The following PECAM1 variants were observed in gnomAD, a reference collection of about 807,000 sequenced individuals.
The protein encoded by PECAM1 is platelet endothelial cell adhesion molecule.
A neutral mutation model predicts 13.8 loss-of-function variants in PECAM1; 8 were observed. That is an observed-to-expected ratio of 0.58 (90% CI 0.34 to 1.05). The LOEUF (loss-of-function observed/expected upper bound fraction) is 1.05, where lower values mean the gene tolerates loss of function less well. PECAM1 is among the 50% of genes least tolerant of loss of function. The pLI, the probability that PECAM1 is intolerant of heterozygous loss-of-function variation, is 0.03. For missense variants in PECAM1, 304 were observed against 141.2 expected (o/e 2.15, Z -5.84); for synonymous variants, 136 against 52.6 (o/e 2.58, Z -6.86).
chr17:64,377,932 T>C lies in PECAM1; in HGVS notation c.277A>G (p.Ser93Gly). Residue 93 changes from serine to glycine, a missense_variant, in exon 3 of 16, where the codon AGT (serine) becomes GGT (glycine). Physicochemically the swap from Ser to Gly is moderately conservative, Grantham distance 56 (BLOSUM62 0). Coordinates refer to ENST00000563924, the MANE Select transcript of PECAM1 (RefSeq NM_000442.5). ...YNISSMKSTE[S>G]YFIPEVRIYD... is the part of the protein sequence containing the mutation. ...ATCCGGACTTCAGGAATAAAATAAC[T>C]CTCTGTGCTCTTCATGGAGGAGATG... 1 of 475,140 alleles carries C rather than the reference T, an allele frequency of 2.1e-6. No homozygotes were observed. 29.4% of individuals were successfully genotyped at this position (475,140 alleles called of 1,614,324 possible).
chr17:64,366,716 T>C (rs1283940304), intron 5 of PECAM1, among the ~76,000 whole-genome samples: 2 of 150,132 alleles, frequency 1.3e-5, no homozygotes, highest in African/African-American at 2.5e-5. Context: ...CAGTAAACTA[T>C]AGCAAGGACA....
chr17:64,377,621 G>T (rs936624419), intron 3 of PECAM1: 28 of 352,914 alleles, frequency 7.9e-5, no homozygotes, highest in Non-Finnish European at 1.4e-4. Context: ...AGAAAGAAAG[G>T]AAGGAAGGAA....
intron 2 of PECAM1, 100 bp downstream of exon 2, chr17:64,390,389 G>A: frequency 2.4e-6 from 1 of 420,272 alleles, no homozygotes; most frequent in South Asian, 1.2e-4. Flanking sequence ...ATTGTTAGAA[G>A]TATCAAACCC....
intron 8 of PECAM1, among the ~76,000 whole-genome samples, chr17:64,355,261 A>G (rs1465083090): frequency 5.3e-5 from 8 of 152,296 alleles, no homozygotes; most frequent in African/African-American, 1.9e-4. Flanking sequence ...GTGGTCCTCA[A>G]GGAGGGAACA....
intron 5 of PECAM1, among the ~76,000 whole-genome samples, chr17:64,368,859 G>GAA (rs1243273671): frequency 1.3e-4 from 6 of 44,472 alleles, no homozygotes; most frequent in African/African-American, 4.2e-4. Context: ...TCTCAAAAAA[G>GAA]AAAAAAAAAA....
chr17:64,373,612 G>C (rs2036291100), intron 4 of PECAM1, among the ~76,000 whole-genome samples: 1 of 151,496 alleles, frequency 6.6e-6, no homozygotes, highest in South Asian at 2.1e-4. Context: ...GATCATGTGT[G>C]GTTTTCTCTA....
chr17:64,328,235 G>A (rs1378017987), intron 15 of PECAM1, among the ~76,000 whole-genome samples: 3 of 151,496 alleles, frequency 2.0e-5, no homozygotes, highest in African/African-American at 7.3e-5. Flanking sequence ...GTTTTGGGTG[G>A]ACCCAGCCAT....
intron 13 of PECAM1, among the ~76,000 whole-genome samples, chr17:64,342,981 C>T (rs2035472926): frequency 6.6e-6 from 1 of 151,844 alleles, no homozygotes; most frequent in Non-Finnish European, 1.5e-5. Flanking sequence ...ACATACATAC[C>T]CACCAACCCT....
chr17:64,321,817 G>A lies in PECAM1; in HGVS notation c.*1999C>T. On this transcript the variant is annotated 3_prime_UTR_variant, in exon 16 of 16. Transcript: ENST00000563924. ...GTGCTGCATAAGTAAGGCACCAGGAGTAGGAATAGGGTCTTTGCAGCTCCC... is the reference window on the plus strand; with the variant it reads ...GTGCTGCATAAGTAAGGCACCAGGAATAGGAATAGGGTCTTTGCAGCTCCC... 1 of 1,340,988 alleles carries A rather than the reference G, an allele frequency of 7.5e-7. No individual in the cohort carries two copies. The highest frequency in any genetic ancestry group is 4.6e-5 in the East Asian group (1 of 21,518). 83.1% of individuals were successfully genotyped at this position (1,340,988 alleles called of 1,614,324 possible).
intron 14 of PECAM1, among the ~76,000 whole-genome samples, chr17:64,340,680 G>C (rs961877197): frequency 2.4e-4 from 37 of 152,190 alleles, no homozygotes; most frequent in Middle Eastern, 3.4e-3. Context: ...GCTCAGCTCT[G>C]GGGGAAGCCC....
At chr17:64,334,719 G>A (rs2035224524) in intron 14 of PECAM1, among the ~76,000 whole-genome samples, 1 of 152,112 alleles carries the variant, frequency 6.6e-6, no homozygotes, top group Admixed American at 6.6e-5. Context: ...GTGTTAGCCA[G>A]GATGGTCTCG....
At chr17:64,363,893 G>A (rs1438736841) in intron 5 of PECAM1, among the ~76,000 whole-genome samples, 4 of 151,958 alleles carry the variant, frequency 2.6e-5, no homozygotes, top group Non-Finnish European at 5.9e-5. Flanking sequence ...GCAGTGAGCC[G>A]AGATTGCTCC....
chr17:64,323,893 T>A (rs782351198), intron 15 of PECAM1, 48 bp from the exon 16 acceptor site: 1 of 790,294 alleles, frequency 1.3e-6, no homozygotes, highest in South Asian at 1.3e-5. Context: ...CTCTCAAGAT[T>A]GAAGATTGCC....
At chr17:64,366,061 T>C (rs1249012353) in intron 5 of PECAM1, among the ~76,000 whole-genome samples, 7 of 150,792 alleles carry the variant, frequency 4.6e-5, no homozygotes, top group African/African-American at 1.7e-4. Context: ...AGAAAATTTT[T>C]GCAACCTACT....
At chr17:64,333,266 C>G (rs1265433242) in intron 14 of PECAM1, among the ~76,000 whole-genome samples, 3 of 152,178 alleles carry the variant, frequency 2.0e-5, no homozygotes, top group African/African-American at 7.2e-5. Context: ...CAGAGCAAGA[C>G]TCAGCACCCA....
intron 12 of PECAM1, among the ~76,000 whole-genome samples, chr17:64,349,771 G>A (rs2035671220): frequency 1.3e-5 from 2 of 151,930 alleles, no homozygotes; most frequent in African/African-American, 4.8e-5. Flanking sequence ...TGTAGTCCCA[G>A]TTACTTGGGA....
Position 64,323,675 on chromosome 17 carries a change from A to T in PECAM1, c.*141T>A, listed in dbSNP as rs1555644967. The T allele has an allele frequency of 6.6e-7, 1 of 1,517,128 alleles. No individual in the cohort carries two copies. The allele number at this position is 1,517,128 out of a possible 1,614,324, so 94.0% of individuals were successfully genotyped here. ...TAGCAGGATGGATTTAAGAACCGGC[A>T]GCTTAGCCTGAGGAATTGCTGTGTT... On this transcript the variant is annotated 3_prime_UTR_variant, in exon 16 of 16. Coordinates refer to ENST00000563924, the MANE Select transcript of PECAM1 (RefSeq NM_000442.5).
intron 5 of PECAM1, among the ~76,000 whole-genome samples, chr17:64,363,660 C>T (rs1209275241): frequency 1.3e-5 from 2 of 152,082 alleles, no homozygotes; most frequent in African/African-American, 2.4e-5. Flanking sequence ...AGTTTTGCAA[C>T]TTGTGGCCAG....
intron 5 of PECAM1, 56 bp downstream of exon 5, chr17:64,369,694 A>C (rs2036195717): frequency 2.5e-6 from 1 of 398,398 alleles, no homozygotes; most frequent in Non-Finnish European, 4.4e-6. Flanking sequence ...GGATTGCAGC[A>C]TGGTGGCCTC....
Sources: allele counts gnomAD v4.1 joint callset (sites outside exome capture counted in the v4.1 genomes callset), GRCh38; gene constraint gnomAD v4.1.1; transcripts MANE v1.5; gene names NCBI Gene and HGNC (gene_info 2026-07-23, HGNC 2026-07-21).